Variants in KIAA1549L observed in about 807,000 individuals in gnomAD.
KIAA1549L encodes UPF0606 protein KIAA1549L.
KIAA1549L carries 88 observed loss-of-function variants against 160.7 expected under a neutral mutation model. The ratio of observed to expected loss-of-function variants is 0.55; its 90% CI spans 0.46 to 0.65. The LOEUF (loss-of-function observed/expected upper bound fraction) is 0.65, where lower values mean the gene tolerates loss of function less well. Ranked by LOEUF, KIAA1549L falls within the 30% of genes least tolerant of loss-of-function variation. The pLI, the probability that KIAA1549L is intolerant of heterozygous loss-of-function variation, is 0.00. For missense variants in KIAA1549L, 2,258 were observed against 2,437.5 expected (o/e 0.93, Z 1.55); for synonymous variants, 950 against 976.7 (o/e 0.97, Z 0.51).
chr11:33,563,583 G>T (rs567612982), intron 8 of KIAA1549L, among the ~76,000 whole-genome samples: 1 of 152,192 alleles, frequency 6.6e-6, no homozygotes, highest in East Asian at 1.9e-4. Context: ...GCCTGCTCAA[G>T]AACTCTTCTA....
At chr11:33,619,416 T>G (rs1850903091) in intron 16 of KIAA1549L, among the ~76,000 whole-genome samples, 1 of 152,210 alleles carries the variant, frequency 6.6e-6, no homozygotes, top group African/African-American at 2.4e-5. Flanking sequence ...ACAAATAAAA[T>G]TTTTTCTTTA....
intron 1 of KIAA1549L, among the ~76,000 whole-genome samples, chr11:33,462,429 A>G (rs1460222328): frequency 6.6e-6 from 1 of 152,304 alleles, no homozygotes; most frequent in East Asian, 1.9e-4. Flanking sequence ...CTGTAAAAAA[A>G]TTTTCCTTTT....
intron 12 of KIAA1549L, among the ~76,000 whole-genome samples, chr11:33,595,268 C>T (rs1850167753): frequency 1.3e-5 from 2 of 152,144 alleles, no homozygotes; most frequent in South Asian, 4.2e-4. Context: ...ATTCTGTTGC[C>T]CAGGCTGTAG....
intron 1 of KIAA1549L, among the ~76,000 whole-genome samples, chr11:33,466,541 A>C (rs1157285486): frequency 1.3e-5 from 2 of 152,212 alleles, no homozygotes; most frequent in African/African-American, 4.8e-5. Context: ...TAGTTCAACC[A>C]TTGTGGAAGA....
chr11:33,551,358 C>A (rs1268296579), intron 5 of KIAA1549L, 99 bp downstream of exon 5: 68 of 996,774 alleles, frequency 6.8e-5, no homozygotes, highest in Non-Finnish European at 6.6e-5. Context: ...GCTGCTGTGT[C>A]ATTTTTTAGT....
chr11:33,496,102 T>A (rs1329714422), intron 1 of KIAA1549L, among the ~76,000 whole-genome samples: 1 of 152,154 alleles, frequency 6.6e-6, no homozygotes, highest in African/African-American at 2.4e-5. Context: ...TAGCTGGGAT[T>A]ACAGGCTCCT....
In KIAA1549L at chr11:33,438,641, C is replaced by A. The variant is rs566865046; in HGVS notation, c.238+61752C>A. On this transcript the variant is annotated intron_variant, in intron 1 of 20. Coordinates refer to ENST00000658780, the MANE Select transcript of KIAA1549L (RefSeq NM_012194.3). ...AAGAGGCAGTTCATTAAAGAGGAAC[C>A]TGTGACGTCAATTATTTGACTCCTT... Among the ~76,000 whole-genome samples the A allele has an allele frequency of 2.0e-5, 3 of 152,328 alleles. No homozygotes were observed. In the South Asian group the frequency reaches 6.2e-4, roughly 32 times the overall value.
chr11:33,496,856 C>T (rs79422865), intron 1 of KIAA1549L, among the ~76,000 whole-genome samples: 8,299 of 152,220 alleles, frequency 0.055, 748 homozygotes, highest in African/African-American at 0.19. Context: ...TGCCTCCTTT[C>T]TAATCTTACT....
intron 1 of KIAA1549L, among the ~76,000 whole-genome samples, chr11:33,511,555 A>C (rs1853227667): frequency 6.6e-6 from 1 of 152,248 alleles, no homozygotes; most frequent in Non-Finnish European, 1.5e-5. Flanking sequence ...ACCTGTGTAC[A>C]GTTCCATCAA....
Position 33,394,407 on chromosome 11 carries a change from AAATAAATAAATAAACAAAC to A in KIAA1549L, c.238+17525_238+17543del, listed in dbSNP as rs749794137. ...ACTCATAAATAATAAATAAATAAAT[AAATAAATAAATAAACAAAC>A]AATAAACAATAAACACTTGTCAAAC... On this transcript the variant is annotated intron_variant, in intron 1 of 20. Transcript: ENST00000658780. Among the ~76,000 whole-genome samples, 933 of 95,168 alleles carry A rather than the reference AAATAAATAAATAAACAAAC, an allele frequency of 9.8e-3. 14 individuals are homozygous for A. Among genetic ancestry groups the A allele is most frequent in the Admixed American group, 0.036 (343 of 9,578 alleles). 62.4% of individuals were successfully genotyped at this position (95,168 alleles called of 152,430 possible). A position where few individuals can be genotyped will look rare whatever the true frequency, so the allele number is the denominator to read the frequency against.
Position 33,583,353 on chromosome 11 carries a change from C to T in KIAA1549L, c.4418C>T (p.Pro1473Leu), listed in dbSNP as rs1158660780. ...TTTCCCACAGCCGTGGTGAAGAACC[C>T]GCCCAATAACCTGTGGATCATCGCT... Reference protein sequence around the residue: ...LLQADPVVKNPPNNLWIIAAV... With the variant: ...LLQADPVVKNLPNNLWIIAAV... Residue 1473 changes from proline (P) to leucine (L), a missense_variant, in exon 11 of 21, where the codon CCG (proline) becomes CTG (leucine). Physicochemically the swap from Pro to Leu is moderately conservative, Grantham distance 98 (BLOSUM62 -3). This residue lies in a region of KIAA1549L where 1,359 missense variants were observed against 1,546.6 expected (regional missense o/e 0.88). Coordinates refer to ENST00000658780, the MANE Select transcript of KIAA1549L (RefSeq NM_012194.3). The T allele has an allele frequency of 5.6e-6, 9 of 1,605,334 alleles. No homozygotes were observed. Among genetic ancestry groups the T allele is most frequent in the African/African-American group, 1.3e-5 (1 of 74,944 alleles).
chr11:33,389,338 T>A (rs1477712104), intron 1 of KIAA1549L, among the ~76,000 whole-genome samples: 1 of 152,176 alleles, frequency 6.6e-6, no homozygotes, highest in Non-Finnish European at 1.5e-5. Flanking sequence ...GAAGAAAATG[T>A]GTTGAAATTG....
chr11:33,521,038 A>G (rs750406752), intron 1 of KIAA1549L, among the ~76,000 whole-genome samples: 2 of 152,066 alleles, frequency 1.3e-5, no homozygotes, highest in Admixed American at 6.6e-5. Context: ...ATGGTGGCAC[A>G]TGCCCGTAGC....
chr11:33,425,923 T>C (rs1214041832), intron 1 of KIAA1549L, among the ~76,000 whole-genome samples: 2 of 152,096 alleles, frequency 1.3e-5, no homozygotes, highest in African/African-American at 2.4e-5. Flanking sequence ...CAAACCCAAA[T>C]TAAGGGCAGT....
chr11:33,449,606 A>G (rs1851680217), intron 1 of KIAA1549L, among the ~76,000 whole-genome samples: 1 of 152,152 alleles, frequency 6.6e-6, no homozygotes, highest in Middle Eastern at 3.2e-3. Context: ...GCGCTGGTAC[A>G]TGTCTGCCAA....
intron 16 of KIAA1549L, among the ~76,000 whole-genome samples, chr11:33,644,253 AT>A (rs920812696): frequency 1.3e-5 from 2 of 152,158 alleles, no homozygotes; most frequent in Non-Finnish European, 2.9e-5. Flanking sequence ...GAAACGTGTA[AT>A]TTTTTTGTGC....
chr11:33,518,246 G>A (rs914146498), intron 1 of KIAA1549L, among the ~76,000 whole-genome samples: 3 of 145,462 alleles, frequency 2.1e-5, no homozygotes, highest in Non-Finnish European at 4.5e-5. Flanking sequence ...AAAATTTCTT[G>A]TTTTAAAACA....
In KIAA1549L at chr11:33,376,522, C is replaced by A. The variant is rs1472511066; in HGVS notation, c.-130C>A. 6.7e-6 allele frequency: 1 copy of A among 148,456 alleles called. No individual in the cohort carries two copies. Among genetic ancestry groups the A allele is most frequent in the African/African-American group, 2.4e-5 (1 of 40,960 alleles). The allele number at this position is 148,456 out of a possible 1,614,324, so 9.2% of individuals were successfully genotyped here. A position where few individuals can be genotyped will look rare whatever the true frequency, so the allele number is the denominator to read the frequency against. ...GGCAGGACGAGCGAGCCAGTCGCGC[C>A]GCTCGGCGCCCCCTCCCTCCGGCGC... is the stretch of plus-strand genomic sequence containing the variant. On this transcript the variant is annotated 5_prime_UTR_variant, in exon 1 of 21. Coordinates refer to ENST00000658780, the MANE Select transcript of KIAA1549L (RefSeq NM_012194.3). The surrounding 1 kb of genome is among the most constrained non-coding windows in gnomAD (Gnocchi z 5.8).
Position 33,488,575 on chromosome 11 carries a change from A to G in KIAA1549L, c.239-53227A>G, listed in dbSNP as rs947367136. Among the ~76,000 whole-genome samples the G allele has an allele frequency of 1.3e-5, 2 of 152,202 alleles. 1 individual carries two copies. On this transcript the variant is annotated intron_variant, in intron 1 of 20. Coordinates refer to ENST00000658780, the MANE Select transcript of KIAA1549L (RefSeq NM_012194.3). Reference sequence around the variant, plus strand: ...TCAACTCATTCAGTAAAACAACTATAGGAGGTAGATTCTATCATAATCCCA... The same window carrying G: ...TCAACTCATTCAGTAAAACAACTATGGGAGGTAGATTCTATCATAATCCCA...
Sources: gnomAD v4.1 joint callset for allele counts (sites outside exome capture counted in the v4.1 genomes callset) on GRCh38, gnomAD v4.1.1 for gene constraint, gnomAD v4.1.1 regional missense constraint, Gnocchi (gnomAD v3.1) non-coding constraint, MANE v1.5 for transcripts, NCBI Gene and HGNC (gene_info 2026-07-23, HGNC 2026-07-21) for gene names.